The following INSL6 variants were observed in gnomAD, a reference collection of about 807,000 sequenced individuals.
INSL6 encodes the protein insulin like 6.
A neutral mutation model predicts 9.4 loss-of-function variants in INSL6; 16 were observed. The observed-to-expected ratio is 1.70, with a 90% confidence interval of 1.15 to 2.59. The LOEUF (loss-of-function observed/expected upper bound fraction) is 2.59. Among genes scored for constraint, INSL6 ranks in the 30% most tolerant of loss-of-function variants. INSL6 has a pLI of 0.00. For missense variants in INSL6, 391 were observed against 257.3 expected (o/e 1.52, Z -3.56); for synonymous variants, 154 against 96.9 (o/e 1.59, Z -3.46).
rs1166867936 is a variant in INSL6 at position 5,135,658 on chromosome 9, CAAGAGA to C, written c.377-2072_377-2067del. ...GGAAATTTATAGCACTAAGTGCCCA[CAAGAGA>C]AAGCAGGAAAGAGCTAACATTGACA... On this transcript the variant is annotated intron_variant, in intron 2 of 3. Coordinates refer to the INSL6 transcript ENST00000649639. 2.0e-5 allele frequency among the ~76,000 whole-genome samples: 3 copies of C among 152,156 alleles called. No individual in the cohort carries two copies. In the East Asian group the frequency reaches 5.8e-4, roughly 29 times the overall value.
the INSL6 span, chr9:5,055,727 A>G: frequency 6.2e-7 from 1 of 1,608,042 alleles, no homozygotes; most frequent in Non-Finnish European, 8.5e-7. Context: ...AAGCAAGCAA[A>G]CCAAGAGGGT....
At chr9:5,122,559 T>G (rs1212841790), downstream of INSL6, among the ~76,000 whole-genome samples, 1 of 152,120 alleles carries the variant, frequency 6.6e-6, no homozygotes, top group Non-Finnish European at 1.5e-5. Context: ...ATTTTAGTTA[T>G]CTTTCTATGT....
In INSL6 at chr9:5,185,536, G is replaced by C. The variant is rs1368941917; in HGVS notation, c.67C>G (p.Leu23Val). 6.2e-7 allele frequency: 1 copy of C among 1,614,174 alleles called. No homozygotes were observed. The highest frequency in any genetic ancestry group is 8.5e-7 in the Non-Finnish European group (1 of 1,180,036). The change falls in exon 1 of 2, where the codon CTG (leucine) becomes GTG (valine). Residue 23 changes from leucine to valine, a missense_variant. By Grantham distance (32) the Leu-to-Val change is conservative. Transcript: ENST00000381641. ...TTCCTGGCACTGCTGATGTCGCTCA[G>C]TTCACGAGAAAACCGAACCAGCAGG... ...GLLLVRFSRE[L>V]SDISSARKLC...
intron 1 of INSL6, among the ~76,000 whole-genome samples, chr9:5,175,994 G>C (rs977130784): frequency 6.6e-6 from 1 of 152,154 alleles, no homozygotes; most frequent in Non-Finnish European, 1.5e-5. Flanking sequence ...AGGAAAAATT[G>C]TCTTCCATGA....
chr9:5,080,815 A>T, the INSL6 span: 8 of 557,140 alleles, frequency 1.4e-5, no homozygotes, highest in African/African-American at 1.0e-4. Flanking sequence ...TCTTATGTTC[A>T]TATGGCTTTT....
the INSL6 span, among the ~76,000 whole-genome samples, chr9:5,026,176 A>C: frequency 6.6e-6 from 1 of 152,102 alleles, no homozygotes; most frequent in African/African-American, 2.4e-5. Context: ...ATTTGCTCTT[A>C]TTTTCTAATA....
the INSL6 span, among the ~76,000 whole-genome samples, chr9:5,058,013 T>C: frequency 6.5e-3 from 994 of 152,340 alleles, 11 homozygotes; most frequent in African/African-American, 0.023. Flanking sequence ...TATTACAGCA[T>C]GTATCAATTT....
the INSL6 span, chr9:5,041,022 G>C: frequency 1.3e-5 from 9 of 668,282 alleles, no homozygotes; most frequent in Admixed American, 2.1e-5. Context: ...AGCTGCACCT[G>C]GGTACCGGTT....
At chr9:5,125,970 T>C (rs1208492614) in intron 3 of INSL6, 1 of 157,106 alleles carries the variant, frequency 6.4e-6, no homozygotes, top group African/African-American at 2.4e-5. Context: ...TGCTTATTCA[T>C]TCATTTTTTC....
intron 2 of INSL6, among the ~76,000 whole-genome samples, chr9:5,145,952 GC>G (rs369794385): frequency 6.6e-6 from 1 of 152,086 alleles, no homozygotes; most frequent in African/African-American, 2.4e-5. Flanking sequence ...TGTCATTTCA[GC>G]CATCTCAGCC....
chr9:5,003,917 A>G, the INSL6 span, among the ~76,000 whole-genome samples: 1 of 152,078 alleles, frequency 6.6e-6, no homozygotes, highest in African/African-American at 2.4e-5. Flanking sequence ...GTTAAATTTT[A>G]TTAGGAGTAG....
chr9:5,005,083 ATTTTTTT>A, the INSL6 span, among the ~76,000 whole-genome samples: 1 of 40,032 alleles, frequency 2.5e-5, no homozygotes, highest in African/African-American at 1.0e-4. Flanking sequence ...TGCCTGGCTA[ATTTTTTT>A]TTTTTTTTTT....
the INSL6 span, chr9:5,112,734 C>A: frequency 1.3e-6 from 1 of 741,768 alleles, no homozygotes; most frequent in Non-Finnish European, 2.0e-6. Flanking sequence ...CCCAAAACAG[C>A]CTGTTTGAAA....
the INSL6 span, chr9:5,080,319 C>A: frequency 6.2e-7 from 1 of 1,613,654 alleles, no homozygotes; most frequent in Non-Finnish European, 8.5e-7. Flanking sequence ...AGTTTTGGTA[C>A]CACTTTGTGG....
At chr9:5,117,194 A>G in the INSL6 span, among the ~76,000 whole-genome samples, 1 of 152,240 alleles carries the variant, frequency 6.6e-6, no homozygotes, top group Non-Finnish European at 1.5e-5. Context: ...AACCTCCAGA[A>G]GTATGAGAAA....
At chr9:5,055,462 T>C in the INSL6 span, among the ~76,000 whole-genome samples, 2 of 152,060 alleles carry the variant, frequency 1.3e-5, no homozygotes, top group Non-Finnish European at 2.9e-5. Context: ...CCTGGCATCA[T>C]TTAATGCCCT....
intron 3 of INSL6, among the ~76,000 whole-genome samples, chr9:5,130,940 A>G (rs1042780697): frequency 5.3e-5 from 8 of 151,362 alleles, no homozygotes; most frequent in Non-Finnish European, 8.8e-5. Context: ...TGTGTTAGCC[A>G]GGATGGTCTC....
At chr9:5,146,677 A>G (rs754883538) in intron 2 of INSL6, among the ~76,000 whole-genome samples, 9 of 152,216 alleles carry the variant, frequency 5.9e-5, no homozygotes, top group Non-Finnish European at 1.0e-4. Context: ...AGGGGTTGAG[A>G]GGAATACTGT....
At chr9:5,090,308 T>C in the INSL6 span, 1 of 522,988 alleles carries the variant, frequency 1.9e-6, no homozygotes, top group African/African-American at 2.0e-5. Context: ...TTAACAACTA[T>C]ATCACCTTTA....
Sources: gnomAD v4.1 joint callset for allele counts (sites outside exome capture counted in the v4.1 genomes callset) on GRCh38, gnomAD v4.1.1 for gene constraint, MANE v1.5 for transcripts, NCBI Gene and HGNC (gene_info 2026-07-23, HGNC 2026-07-21) for gene names.